Variants in CADM2 observed in about 807,000 individuals in gnomAD.
The protein encoded by CADM2 is cell adhesion molecule 2, also known as immunoglobulin superfamily member 4D.
In CADM2, 12 loss-of-function variants were observed where a neutral mutation model predicts 49.8. That is an observed-to-expected ratio of 0.24 (90% CI 0.15 to 0.39). The LOEUF is 0.39. CADM2 is among the 10% of genes least tolerant of loss of function. CADM2 has a pLI of 1.00. For synonymous variants in CADM2, 214 were observed against 175.4 expected (o/e 1.22, Z -1.74); for missense variants, 378 against 492.3 (o/e 0.77, Z 2.20).
At chr3:85,658,924 C>T (rs893117030) in intron 1 of CADM2, among the ~76,000 whole-genome samples, 7 of 151,000 alleles carry the variant, frequency 4.6e-5, no homozygotes, top group African/African-American at 1.7e-4. Flanking sequence ...CAGTGGTGTG[C>T]ACCTGTAGTC....
intron 1 of CADM2, among the ~76,000 whole-genome samples, chr3:85,255,418 T>C (rs899959913): frequency 6.6e-6 from 1 of 152,058 alleles, no homozygotes; most frequent in African/African-American, 2.4e-5. Flanking sequence ...ACTGAAACTA[T>C]TGCCAGCTTC....
chr3:85,858,878 G>GA (rs2075412433), intron 3 of CADM2, among the ~76,000 whole-genome samples: 2 of 151,960 alleles, frequency 1.3e-5, no homozygotes, highest in East Asian at 1.9e-4. Context: ...ATGATATATA[G>GA]AAAAAAAGTA....
chr3:85,317,133 T>G (rs541686030), intron 1 of CADM2, among the ~76,000 whole-genome samples: 8 of 150,478 alleles, frequency 5.3e-5, no homozygotes, highest in African/African-American at 9.7e-5. Flanking sequence ...TTGCTTTTTT[T>G]GGGGGGATGG....
chr3:85,973,809 G>A (rs939757009), intron 8 of CADM2, among the ~76,000 whole-genome samples: 7 of 151,676 alleles, frequency 4.6e-5, no homozygotes, highest in African/African-American at 1.5e-4. Flanking sequence ...AGCATTATTG[G>A]TCATGGGGAT....
intron 1 of CADM2, among the ~76,000 whole-genome samples, chr3:85,464,237 A>G (rs1485970192): frequency 6.6e-6 from 1 of 152,138 alleles, no homozygotes; most frequent in Non-Finnish European, 1.5e-5. Flanking sequence ...ATATGATTAT[A>G]TATTTATTTT....
chr3:85,493,445 CT>C (rs10716596), intron 1 of CADM2, among the ~76,000 whole-genome samples: 78,201 of 151,840 alleles, frequency 0.52, 23,098 homozygotes, highest in East Asian at 0.85. Flanking sequence ...TTCATCTGCC[CT>C]GTACATTTTT....
rs147282321 is a variant in CADM2, at chr3:84,967,110, T to C, written c.61+7442T>C. ...TCTAAAGTTGTCCTTGAGAACAGAA[T>C]GAGAACATACCTTTCCTGACAAAGA... is the stretch of plus-strand genomic sequence containing the variant. On this transcript the variant is annotated intron_variant, in intron 1 of 9. Transcript: ENST00000383699. Among the ~76,000 whole-genome samples, 979 of 152,218 alleles carry C rather than the reference T, an allele frequency of 6.4e-3. 7 individuals carry two copies. The highest frequency in any genetic ancestry group is 0.011 in the Non-Finnish European group (721 of 67,934).
rs552311021 is a variant in CADM2, at chr3:85,269,992, G to T, written c.61+310324G>T. Among the ~76,000 whole-genome samples the T allele has an allele frequency of 1.3e-4, 19 of 151,186 alleles. No homozygotes were observed. In the South Asian group the frequency reaches 3.3e-3, roughly 26 times the overall value. On this transcript the variant is annotated intron_variant, in intron 1 of 9. Coordinates refer to ENST00000383699, the MANE Select transcript of CADM2 (RefSeq NM_001167675.2). ...TAATGGTATATCATGAGACACTTAG[G>T]TTCCCGGGGAAAAAAGAAGCATCAT...
Position 85,669,215 on chromosome 3 carries a change from A to C in CADM2, c.62-57307A>C, listed in dbSNP as rs535499595. On this transcript the variant is annotated intron_variant, in intron 1 of 9. Coordinates refer to ENST00000383699, the MANE Select transcript of CADM2 (RefSeq NM_001167675.2). Reference sequence around the variant, plus strand: ...GGTAAGATAAAAAAAAATAAGCCTTAACAAGTAGTTCATTTTTTACTTAGA... The same window carrying C: ...GGTAAGATAAAAAAAAATAAGCCTTCACAAGTAGTTCATTTTTTACTTAGA... 1.7e-3 allele frequency among the ~76,000 whole-genome samples: 266 copies of C among 152,222 alleles called. 1 individual carries two copies. Among genetic ancestry groups the C allele is most frequent in the African/African-American group, 6.3e-3 (261 of 41,554 alleles).
intron 1 of CADM2, among the ~76,000 whole-genome samples, chr3:85,715,770 C>A (rs980175218): frequency 6.6e-5 from 10 of 152,150 alleles, no homozygotes; most frequent in African/African-American, 2.4e-4. Context: ...GTTTTCAGTT[C>A]CTGTGTTAGT....
intron 1 of CADM2, among the ~76,000 whole-genome samples, chr3:85,079,471 A>G (rs1237146345): frequency 6.6e-6 from 1 of 151,772 alleles, no homozygotes; most frequent in Non-Finnish European, 1.5e-5. Flanking sequence ...TATATTATCT[A>G]TTTTTCATAG....
intron 1 of CADM2, among the ~76,000 whole-genome samples, chr3:85,474,385 T>C (rs1304678281): frequency 6.6e-6 from 1 of 151,960 alleles, no homozygotes; most frequent in Non-Finnish European, 1.5e-5. Context: ...TGAGAACACC[T>C]GACTCGATGA....
At chr3:86,039,424 C>T (rs1048603924) in intron 8 of CADM2, among the ~76,000 whole-genome samples, 3 of 152,160 alleles carry the variant, frequency 2.0e-5, no homozygotes, top group African/African-American at 7.2e-5. Context: ...GAACGGCACA[C>T]CAGGAGATTA....
intron 1 of CADM2, among the ~76,000 whole-genome samples, chr3:85,037,837 A>C (rs1383114753): frequency 6.6e-6 from 1 of 151,996 alleles, no homozygotes; most frequent in Admixed American, 6.6e-5. Context: ...CTTTCTTTTT[A>C]ATTTCTGTGC....
chr3:85,923,556 A>C (rs1204588815), intron 6 of CADM2, among the ~76,000 whole-genome samples: 3 of 150,858 alleles, frequency 2.0e-5, no homozygotes, highest in South Asian at 2.1e-4. Flanking sequence ...AAAACAACAA[A>C]ACAAACAAAC....
intron 8 of CADM2, among the ~76,000 whole-genome samples, chr3:86,024,285 A>T (rs1733587147): frequency 3.3e-5 from 5 of 152,202 alleles, no homozygotes; most frequent in Admixed American, 3.3e-4. Context: ...TCAGGTATCT[A>T]ATTTTATCAT....
intron 1 of CADM2, among the ~76,000 whole-genome samples, chr3:85,443,999 T>G (rs2037327865): frequency 6.6e-6 from 1 of 152,292 alleles, no homozygotes; most frequent in Middle Eastern, 3.4e-3. Flanking sequence ...GTATTTACCA[T>G]CTCAGTATTG....
chr3:85,454,385 G>A lies in CADM2; in HGVS notation c.62-272137G>A, dbSNP rs527973235. Among the ~76,000 whole-genome samples, 4 of 151,994 alleles carry A rather than the reference G, an allele frequency of 2.6e-5. No homozygotes were observed. In the East Asian group the frequency reaches 5.8e-4, roughly 22 times the overall value. ...GCAATATAATTAATCCTTCTAGTACGCAGAATCCCACCAAGCAAGCAGACC... is the reference window on the plus strand; with the variant it reads ...GCAATATAATTAATCCTTCTAGTACACAGAATCCCACCAAGCAAGCAGACC... On this transcript the variant is annotated intron_variant, in intron 1 of 9. Transcript: ENST00000383699.
intron 1 of CADM2, among the ~76,000 whole-genome samples, chr3:85,304,560 C>T (rs935137956): frequency 1.3e-5 from 2 of 151,728 alleles, no homozygotes; most frequent in Non-Finnish European, 3.0e-5. Context: ...TCCTGTCCAC[C>T]AGAGGGCATA....
Sources: gnomAD v4.1 joint callset for allele counts (sites outside exome capture counted in the v4.1 genomes callset) on GRCh38, gnomAD v4.1.1 for gene constraint, MANE v1.5 for transcripts, NCBI Gene and HGNC (gene_info 2026-07-23, HGNC 2026-07-21) for gene names.